The following NTM variants were observed in gnomAD, a reference collection of about 807,000 sequenced individuals.
NTM encodes neurotrimin.
Under a neutral mutation model 42.1 loss-of-function variants are expected in NTM, and 13 were observed. That is an observed-to-expected ratio of 0.31 (90% CI 0.20 to 0.49). NTM has a LOEUF of 0.49. Among genes scored for constraint, NTM ranks in the 20% least tolerant of loss-of-function variants. The probability of loss-of-function intolerance (pLI) is 0.99; values close to 1 mark genes in which losing one functional copy is unlikely to be tolerated. For synonymous variants in NTM, 187 were observed against 179.2 expected (o/e 1.04, Z -0.35); for missense variants, 373 against 452.8 (o/e 0.82, Z 1.60).
chr11:131,790,961 T>A (rs1238400180), intron 1 of NTM, among the ~76,000 whole-genome samples: 1 of 152,226 alleles, frequency 6.6e-6, no homozygotes, highest in East Asian at 1.9e-4. Context: ...CAGCAATAAC[T>A]ACTACTAATT....
intron 7 of NTM, among the ~76,000 whole-genome samples, chr11:132,323,416 G>A (rs965439801): frequency 2.6e-5 from 4 of 151,782 alleles, no homozygotes; most frequent in Non-Finnish European, 4.4e-5. Context: ...AAATAAACTA[G>A]AAAATCTAGA....
chr11:131,991,055 A>G (rs904366887), intron 2 of NTM, among the ~76,000 whole-genome samples: 2 of 152,148 alleles, frequency 1.3e-5, no homozygotes, highest in African/African-American at 4.8e-5. Context: ...ATTCAGTTCG[A>G]TTAATGTTTA....
intron 2 of NTM, among the ~76,000 whole-genome samples, chr11:132,044,351 C>T (rs1368588418): frequency 7.9e-5 from 12 of 152,112 alleles, no homozygotes; most frequent in Non-Finnish European, 1.0e-4. Flanking sequence ...TTGTATGTTA[C>T]GGCTTACCTT....
chr11:131,974,481 T>C (rs1462986036), intron 2 of NTM, among the ~76,000 whole-genome samples: 1 of 152,230 alleles, frequency 6.6e-6, no homozygotes, highest in Non-Finnish European at 1.5e-5. Flanking sequence ...TGTGAACTTA[T>C]ACCTCTTTGC....
At chr11:131,704,361 C>T (rs1400684551) in intron 1 of NTM, among the ~76,000 whole-genome samples, 1 of 152,184 alleles carries the variant, frequency 6.6e-6, no homozygotes, top group Non-Finnish European at 1.5e-5. Context: ...ACCCAAGTTC[C>T]AGGCTCATTC....
intron 1 of NTM, among the ~76,000 whole-genome samples, chr11:131,394,264 C>A (rs147164656): frequency 1.2e-3 from 184 of 152,284 alleles, no homozygotes; most frequent in African/African-American, 4.1e-3. Flanking sequence ...TCTCTCTACT[C>A]CACTCTCGTT....
chr11:131,501,420 G>C (rs1204724780), intron 1 of NTM, among the ~76,000 whole-genome samples: 2 of 152,174 alleles, frequency 1.3e-5, no homozygotes, highest in Non-Finnish European at 2.9e-5. Flanking sequence ...AGGAGAAGGG[G>C]TTGAGGACAT....
chr11:131,988,267 A>G (rs1356032024), intron 2 of NTM, among the ~76,000 whole-genome samples: 2 of 152,158 alleles, frequency 1.3e-5, no homozygotes, highest in Non-Finnish European at 2.9e-5. Flanking sequence ...TCAACATAGA[A>G]CTTTTGGGAG....
chr11:132,134,747 A>ATCTATC (rs1360180567), intron 2 of NTM, among the ~76,000 whole-genome samples: 1 of 89,680 alleles, frequency 1.1e-5, no homozygotes, highest in Non-Finnish European at 2.2e-5. Context: ...ATATATATAT[A>ATCTATC]TATATATATA....
chr11:132,276,615 G>C (rs894003112), intron 4 of NTM, among the ~76,000 whole-genome samples: 8 of 152,190 alleles, frequency 5.3e-5, no homozygotes, highest in Admixed American at 4.6e-4. Context: ...TAGGCAGGAG[G>C]TAGCTATGTG....
At chr11:132,044,100 A>G (rs1449123054) in intron 2 of NTM, among the ~76,000 whole-genome samples, 2 of 145,926 alleles carry the variant, frequency 1.4e-5, no homozygotes, top group Non-Finnish European at 3.0e-5. Flanking sequence ...GTGTGTATGT[A>G]TATGTGTGTA....
chr11:131,598,751 CTTTCTTCTTTCTTTT>C (rs1443567767), intron 1 of NTM, among the ~76,000 whole-genome samples: 1,914 of 68,522 alleles, frequency 0.028, 120 homozygotes, highest in Non-Finnish European at 0.034. Flanking sequence ...TTCTTTCTTT[CTTTCTTCTTTCTTTT>C]TTTCTTTCTT....
chr11:132,173,129 T>C (rs978461219), intron 3 of NTM, among the ~76,000 whole-genome samples: 1 of 152,216 alleles, frequency 6.6e-6, no homozygotes, highest in African/African-American at 2.4e-5. Context: ...AATAACACCA[T>C]GTCAATCCAA....
intron 4 of NTM, among the ~76,000 whole-genome samples, chr11:132,244,882 C>T (rs1183607641): frequency 6.6e-6 from 1 of 152,192 alleles, no homozygotes; most frequent in African/African-American, 2.4e-5. Context: ...ATTAATGGAG[C>T]AGAATATAAA....
intron 1 of NTM, among the ~76,000 whole-genome samples, chr11:131,824,669 T>C (rs918482318): frequency 6.6e-6 from 1 of 152,220 alleles, no homozygotes; most frequent in Non-Finnish European, 1.5e-5. Flanking sequence ...GGTCAAAGAA[T>C]GACTTGAGTG....
intron 1 of NTM, among the ~76,000 whole-genome samples, chr11:131,447,417 C>A (rs1950141933): frequency 6.6e-6 from 1 of 152,156 alleles, no homozygotes; most frequent in African/African-American, 2.4e-5. Flanking sequence ...TCTTCAGAGG[C>A]TCCGAAATCC....
At chr11:131,460,188 A>C (rs61136974) in intron 1 of NTM, among the ~76,000 whole-genome samples, 1,919 of 152,282 alleles carry the variant, frequency 0.013, 49 homozygotes, top group African/African-American at 0.044. Context: ...GGCCCAGATG[A>C]TGAATAGACT....
rs534815682 is a variant in NTM at position 132,270,657 on chromosome 11, T to TA, written c.527-37032_527-37031insA. ...TGTCTTTATAAATTTATTTTTATTT[T>TA]TTTTTTTACTTTTTTGGGGGGTAAT... On this transcript the variant is annotated intron_variant, in intron 4 of 8. Coordinates refer to ENST00000683400, the MANE Select transcript of NTM (RefSeq NM_001352005.2). Among the ~76,000 whole-genome samples the TA allele has an allele frequency of 4.2e-4, 64 of 151,096 alleles. 1 individual carries two copies. Among genetic ancestry groups the TA allele is most frequent in the Middle Eastern group, 3.4e-3 (1 of 294 alleles).
intron 1 of NTM, among the ~76,000 whole-genome samples, chr11:131,874,992 C>T (rs945554398): frequency 2.0e-5 from 3 of 152,116 alleles, no homozygotes; most frequent in East Asian, 1.9e-4. Flanking sequence ...ATTTGTATGA[C>T]GGGGCCTGAT....
Sources: allele counts gnomAD v4.1 joint callset (sites outside exome capture counted in the v4.1 genomes callset), GRCh38; gene constraint gnomAD v4.1.1; transcripts MANE v1.5; gene names NCBI Gene and HGNC (gene_info 2026-07-23, HGNC 2026-07-21).